The following ZNF337 variants were observed in gnomAD, a reference collection of about 807,000 sequenced individuals.
ZNF337 encodes the protein zinc finger protein 337.
In ZNF337, 8 loss-of-function variants were observed where a neutral mutation model predicts 12.1. That is an observed-to-expected ratio of 0.66 (90% CI 0.39 to 1.19). ZNF337 has a LOEUF of 1.19. Ranked by LOEUF, ZNF337 falls within the 50% of genes most tolerant of loss-of-function variation. The pLI, the probability that ZNF337 is intolerant of heterozygous loss-of-function variation, is 0.01. For missense variants in ZNF337, 882 were observed against 896.6 expected (o/e 0.98, Z 0.21); for synonymous variants, 336 against 320.0 (o/e 1.05, Z -0.53).
At position 25,675,868 on chromosome 20, in the gene ZNF337, T is replaced by C. The variant is rs750688077; in HGVS notation, c.1420A>G (p.Thr474Ala). ...DCGRGFIQKS[T>A]FTLHQRTHSE... is the part of the protein sequence containing the mutation. ...TGTGTCCTCTGGTGTAAAGTGAAGG[T>C]TGACTTTTGGATAAAGCCTCGTCCA... Residue 474 changes from threonine (T) to alanine (A), a missense_variant, in exon 5 of 5, where the codon ACC (threonine) becomes GCC (alanine). Thr to Ala is a moderately conservative substitution (Grantham distance 58). Coordinates refer to ENST00000252979, the MANE Select transcript of ZNF337 (RefSeq NM_015655.4). 7 of 1,613,466 alleles carry C rather than the reference T, an allele frequency of 4.3e-6. No individual in the cohort carries two copies. The highest frequency in any genetic ancestry group is 3.3e-5 in the Admixed American group (2 of 59,972).
chr20:25,676,269 C>A lies in ZNF337; in HGVS notation c.1019G>T (p.Arg340Ile), dbSNP rs760151388. The A allele has an allele frequency of 6.8e-6, 11 of 1,613,922 alleles. No individual in the cohort carries two copies. Among genetic ancestry groups the A allele is most frequent in the Non-Finnish European group, 8.5e-6 (10 of 1,180,020 alleles). The change falls in exon 5 of 5, where the codon AGA becomes ATA. Residue 340 changes from arginine to isoleucine, a missense_variant. Transcript: ENST00000252979. ...TNKSYFVVHK[R>I]IHSGEKPYRC... is the part of the protein sequence containing the mutation. ...GTAAGGCTTCTCTCCTGAGTGTATTCTCTTGTGCACAACGAAGTATGACTT... is the reference window on the plus strand; with the variant it reads ...GTAAGGCTTCTCTCCTGAGTGTATTATCTTGTGCACAACGAAGTATGACTT...
At position 25,676,520 on chromosome 20, in the gene ZNF337, C is replaced by A; in HGVS notation, c.768G>T (p.Arg256Ser). The change falls in exon 5 of 5, where the codon AGG becomes AGT. Residue 256 changes from arginine to serine, a missense_variant. Arg to Ser is a moderately radical substitution (Grantham distance 110). Transcript: ENST00000252979. ...GAAAAGGCTTCTCTCCTGAGTGTGT[C>A]CTCTGGTGTCTGAGGAGGTTGGCCT... is the stretch of plus-strand genomic sequence containing the variant. The part of the protein sequence containing the change: ...SLKANLLRHQ[R>S]THSGEKPFLC... The A allele has an allele frequency of 6.2e-7, 1 of 1,613,224 alleles. No individual in the cohort carries two copies. Among genetic ancestry groups the A allele is most frequent in the African/African-American group, 1.3e-5 (1 of 74,666 alleles).
chr20:25,693,368 C>T (rs954488055), intron 1 of ZNF337, among the ~76,000 whole-genome samples: 4 of 152,176 alleles, frequency 2.6e-5, no homozygotes, highest in Non-Finnish European at 1.5e-5. Flanking sequence ...TGGGCCACCA[C>T]GCCAAGCCGT....
intron 4 of ZNF337, among the ~76,000 whole-genome samples, chr20:25,678,772 C>T (rs1010030951): frequency 6.6e-6 from 1 of 151,756 alleles, no homozygotes; most frequent in Admixed American, 6.6e-5. Context: ...ACGATGAGAC[C>T]CCATCATTAC....
chr20:25,685,782 C>A, intron 3 of ZNF337, 120 bp from the exon 4 acceptor site: 1 of 1,171,756 alleles, frequency 8.5e-7, no homozygotes, highest in South Asian at 1.4e-5. Context: ...CAGGAGGACC[C>A]TGTCTACCAT....
rs75360523 is a variant in ZNF337 at position 25,694,161 on chromosome 20, C to T, written c.-50+2598G>A. On this transcript the variant is annotated intron_variant, in intron 1 of 4. Coordinates refer to ENST00000252979, the MANE Select transcript of ZNF337 (RefSeq NM_015655.4). The stretch of plus-strand genomic sequence containing the variant: ...CACTTTTTTAGAATTTAATATATGC[C>T]AGGGACGGTTCCAGGCGTGGCACAA... Among the ~76,000 whole-genome samples the T allele has an allele frequency of 3.0e-3, 461 of 152,144 alleles. 5 individuals carry two copies. Among genetic ancestry groups the T allele is most frequent in the African/African-American group, 9.6e-3 (399 of 41,486 alleles).
At chr20:25,694,901 G>C (rs939156838) in intron 1 of ZNF337, among the ~76,000 whole-genome samples, 1 of 152,168 alleles carries the variant, frequency 6.6e-6, no homozygotes, top group South Asian at 2.1e-4. Context: ...ATCTTTAGTG[G>C]GAAAATTTGC....
At position 25,675,329 on chromosome 20, in the gene ZNF337, C is replaced by T; in HGVS notation, c.1959G>A (p.Glu653=). The T allele has an allele frequency of 6.2e-7, 1 of 1,614,234 alleles. No individual in the cohort carries two copies. The highest frequency in any genetic ancestry group is 8.5e-7 in the Non-Finnish European group (1 of 1,180,036). The change falls in exon 5 of 5, where the codon GAG becomes GAA. Residue 653 remains glutamate (E), a synonymous_variant. Coordinates refer to ENST00000252979, the MANE Select transcript of ZNF337 (RefSeq NM_015655.4). ...CACACACATTACACACGAAGGGCTT[C>T]TCCCCTGAGTGTGTCCTCTGGTGTG... ...LLTHQRTHSG[E]KPFVCNVCGQ... is the part of the protein sequence containing the mutation.
chr20:25,682,302 G>A (rs1013873407), intron 4 of ZNF337, among the ~76,000 whole-genome samples: 2 of 152,068 alleles, frequency 1.3e-5, no homozygotes, highest in African/African-American at 4.8e-5. Flanking sequence ...AGATGAGGGT[G>A]AAAGTACAGA....
chr20:25,675,412 G>A lies in ZNF337; in HGVS notation c.1876C>T (p.Gln626Ter). The A allele has an allele frequency of 6.2e-7, 1 of 1,606,512 alleles. No individual in the cohort carries two copies. The highest frequency in any genetic ancestry group is 8.5e-7 in the Non-Finnish European group (1 of 1,177,280). The change falls in exon 5 of 5, where the codon CAG (glutamine) becomes TAG (stop). Residue 626 changes from glutamine (Q) to a stop codon, truncating the protein, a stop_gained. Transcript: ENST00000252979. LOFTEE classifies it low-confidence loss of function (END_TRUNC). ...VKHQLAHSGKQPFVCKECGRG... is the reference protein window; with the variant it reads ...VKHQLAHSGK Reference sequence around the variant, plus strand: ...CCACACTCCTTGCATACAAAAGGCTGCTTGCCAGAATGTGCAAGCTGGTGT... The same window carrying A: ...CCACACTCCTTGCATACAAAAGGCTACTTGCCAGAATGTGCAAGCTGGTGT...
rs1256902016 is a variant in ZNF337, at chr20:25,681,519, AT to A, written c.250+4047del. Among the ~76,000 whole-genome samples, 14 of 152,208 alleles carry A rather than the reference AT, an allele frequency of 9.2e-5. 1 individual carries two copies. In the South Asian group the frequency reaches 2.7e-3, roughly 29 times the overall value. On this transcript the variant is annotated intron_variant, in intron 4 of 4. Coordinates refer to ENST00000252979, the MANE Select transcript of ZNF337 (RefSeq NM_015655.4). The stretch of plus-strand genomic sequence containing the variant: ...TCAACAACAATAACCATAAAAAAAA[AT>A]CAACCTGCTAATTTTCTGATAGAGA...
chr20:25,677,966 C>T (rs1402810238), intron 4 of ZNF337: 1 of 152,102 alleles, frequency 6.6e-6, no homozygotes, highest in Non-Finnish European at 1.5e-5. Flanking sequence ...AAAGTCTTTC[C>T]TCTAAGAACT....
Position 25,675,311 on chromosome 20 carries a change from A to T in ZNF337, c.1977T>A (p.Asn659Lys). Residue 659 changes from asparagine (N) to lysine (K), a missense_variant, in exon 5 of 5, where the codon AAT (asparagine) becomes AAA (lysine). Coordinates refer to ENST00000252979, the MANE Select transcript of ZNF337 (RefSeq NM_015655.4). ...TCCAGCTGAAGCCTTGCCCACACAC[A>T]TTACACACGAAGGGCTTCTCCCCTG... ...THSGEKPFVC[N>K]VCGQGFSWKR... 5 of 1,612,578 alleles carry T rather than the reference A, an allele frequency of 3.1e-6. No individual in the cohort carries two copies. The highest frequency in any genetic ancestry group is 4.2e-6 in the Non-Finnish European group (5 of 1,179,638).
chr20:25,690,990 A>G (rs2065878288), intron 1 of ZNF337, among the ~76,000 whole-genome samples: 1 of 152,228 alleles, frequency 6.6e-6, no homozygotes, highest in Non-Finnish European at 1.5e-5. Flanking sequence ...AAAGTGACGG[A>G]AACCTTCCCC....
intron 4 of ZNF337, among the ~76,000 whole-genome samples, chr20:25,683,289 G>A (rs575177092): frequency 2.0e-5 from 3 of 151,898 alleles, no homozygotes; most frequent in East Asian, 1.9e-4. Context: ...ATGAACCACT[G>A]CGGTGACTAC....
Position 25,676,975 on chromosome 20 carries a change from G to C in ZNF337, c.313C>G (p.Gln105Glu). 6.2e-7 allele frequency: 1 copy of C among 1,614,030 alleles called. No individual in the cohort carries two copies. The highest frequency in any genetic ancestry group is 8.5e-7 in the Non-Finnish European group (1 of 1,180,014). ...AAGCTTTGATCAGAAAATTGTAGTT[G>C]CTGTTGCCTCTGATGTGCAAGTCCA... ...NLGLAHQRQQQLQFSDQSFQS... is the reference protein window; with the variant it reads ...NLGLAHQRQQELQFSDQSFQS... Residue 105 changes from glutamine (Q) to glutamate (E), a missense_variant, in exon 5 of 5, where the codon CAA becomes GAA. Transcript: ENST00000252979.
chr20:25,677,055 A>C lies in ZNF337; in HGVS notation c.251-18T>G, dbSNP rs1370759617. The C allele has an allele frequency of 3.2e-6, 5 of 1,550,756 alleles. No individual in the cohort carries two copies. In the Middle Eastern group the frequency reaches 6.9e-4, roughly 214 times the overall value. ...ATATATTCCTGGAGAATAGACCAAC[A>C]ATGAGACTGAATCAGTAACGAAAAG... On this transcript the variant is annotated intron_variant, in intron 4 of 4. Coordinates refer to ENST00000252979, the MANE Select transcript of ZNF337 (RefSeq NM_015655.4).
intron 1 of ZNF337, among the ~76,000 whole-genome samples, chr20:25,695,898 C>T (rs2065920275): frequency 6.6e-6 from 1 of 152,160 alleles, no homozygotes; most frequent in Non-Finnish European, 1.5e-5. Flanking sequence ...CTGACCATCT[C>T]GGGCACTTTC....
intron 3 of ZNF337, 94 bp downstream of exon 3, chr20:25,685,902 A>G (rs1312255774): frequency 8.6e-6 from 13 of 1,514,246 alleles, no homozygotes; most frequent in Non-Finnish European, 1.2e-5. Flanking sequence ...TCAGGGGAAT[A>G]GAGAAAACAA....
Sources: gnomAD v4.1 joint callset for allele counts (sites outside exome capture counted in the v4.1 genomes callset) on GRCh38, gnomAD v4.1.1 for gene constraint, MANE v1.5 for transcripts, NCBI Gene and HGNC (gene_info 2026-07-23, HGNC 2026-07-21) for gene names.